CDK5RAP2: variants seen among roughly 807,000 people sequenced by gnomAD.
The protein encoded by CDK5RAP2 is CDK5 regulatory subunit associated protein 2.
A neutral mutation model predicts 232.9 loss-of-function variants in CDK5RAP2; 147 were observed. The observed-to-expected ratio is 0.63, with a 90% CI of 0.55 to 0.72. The LOEUF is 0.72. CDK5RAP2 is among the 30% of genes least tolerant of loss of function. The pLI is 0.00. For missense variants in CDK5RAP2, 2,195 were observed against 2,231.5 expected (o/e 0.98, Z 0.33); for synonymous variants, 833 against 833.7 (o/e 1.00, Z 0.01).
chr9:120,435,985 A>C (rs2035554993), intron 25 of CDK5RAP2, among the ~76,000 whole-genome samples: 1 of 152,246 alleles, frequency 6.6e-6, no homozygotes, highest in African/African-American at 2.4e-5. Flanking sequence ...ATATGGTAAA[A>C]CTCATGGTAG....
At chr9:120,402,045 A>G (rs1418531976) in intron 34 of CDK5RAP2, among the ~76,000 whole-genome samples, 1 of 152,026 alleles carries the variant, frequency 6.6e-6, no homozygotes. Context: ...TAATCCCAAC[A>G]CTTTAGGAGG....
At chr9:120,435,028 T>C (rs982925693) in intron 25 of CDK5RAP2, among the ~76,000 whole-genome samples, 14 of 152,208 alleles carry the variant, frequency 9.2e-5, no homozygotes, top group African/African-American at 3.4e-4. Context: ...ATTCAAAAAA[T>C]TAAATCAATA....
intron 25 of CDK5RAP2, among the ~76,000 whole-genome samples, chr9:120,432,096 T>C (rs1468427476): frequency 1.3e-5 from 2 of 152,202 alleles, no homozygotes; most frequent in Admixed American, 1.3e-4. Flanking sequence ...ATAGCAAGGA[T>C]ATGCACAAAG....
intron 22 of CDK5RAP2, among the ~76,000 whole-genome samples, chr9:120,446,312 C>T (rs996494949): frequency 6.6e-6 from 1 of 152,108 alleles, no homozygotes; most frequent in African/African-American, 2.4e-5. Flanking sequence ...CTGCAACCTC[C>T]ACCTCGTGGG....
chr9:120,545,685 G>C, intron 5 of CDK5RAP2, 29 bp downstream of exon 5: 1 of 1,576,958 alleles, frequency 6.3e-7, no homozygotes. Context: ...TGGGCGACTT[G>C]CAAGCTTTCA....
chr9:120,531,477 T>C (rs999094298), intron 7 of CDK5RAP2, among the ~76,000 whole-genome samples: 7 of 152,114 alleles, frequency 4.6e-5, no homozygotes, highest in Admixed American at 4.6e-4. Flanking sequence ...AGTAATTCCA[T>C]CTCTCTGAGC....
intron 14 of CDK5RAP2, among the ~76,000 whole-genome samples, chr9:120,484,416 G>GT (rs2038484192): frequency 6.6e-6 from 1 of 152,022 alleles, no homozygotes; most frequent in Non-Finnish European, 1.5e-5. Context: ...CTGTTGTTTT[G>GT]TTTTTTTAAA....
intron 7 of CDK5RAP2, among the ~76,000 whole-genome samples, chr9:120,535,822 G>C (rs960892811): frequency 6.6e-6 from 1 of 152,158 alleles, no homozygotes; most frequent in Non-Finnish European, 1.5e-5. Context: ...GGTCTACACT[G>C]TTTTATTTTT....
chr9:120,498,814 A>C (rs1210368283), intron 12 of CDK5RAP2, among the ~76,000 whole-genome samples: 1 of 152,046 alleles, frequency 6.6e-6, no homozygotes, highest in Admixed American at 6.6e-5. Context: ...TGAGCCCAGG[A>C]ATTTGACACC....
chr9:120,497,421 T>TAAAAAAAAAAAAAAAAA (rs71385064), intron 12 of CDK5RAP2, among the ~76,000 whole-genome samples: 10 of 23,294 alleles, frequency 4.3e-4, no homozygotes, highest in Admixed American at 8.7e-4. Flanking sequence ...AAAATAAATT[T>TAAAAAAAAAAAAAAAAA]AAAAAAAAAA....
intron 30 of CDK5RAP2, 91 bp downstream of exon 30, chr9:120,409,036 G>A: frequency 8.1e-7 from 1 of 1,239,592 alleles, no homozygotes; most frequent in Non-Finnish European, 1.2e-6. Flanking sequence ...TGTGCACTAA[G>A]GCAGAGGCCT....
chr9:120,400,954 T>C (rs1588233412), intron 34 of CDK5RAP2, 69 bp from the exon 35 acceptor site: 24 of 1,570,476 alleles, frequency 1.5e-5, no homozygotes, highest in Non-Finnish European at 2.1e-5. Flanking sequence ...AGCCTTAACA[T>C]GCAGTATAAA....
chr9:120,453,457 C>A lies in CDK5RAP2; in HGVS notation c.2792G>T (p.Arg931Ile). 1 of 1,606,792 alleles carries A rather than the reference C, an allele frequency of 6.2e-7. No individual in the cohort carries two copies. Among genetic ancestry groups the A allele is most frequent in the South Asian group, 1.1e-5 (1 of 91,022 alleles). The change falls in exon 21 of 38, where the codon AGA becomes ATA. Residue 931 changes from arginine to isoleucine, a missense_variant and splice_region_variant. Physicochemically the swap from Arg to Ile is moderately conservative, Grantham distance 97. Transcript: ENST00000349780. Reference sequence around the variant, plus strand: ...TAATTATTACATGGAAAAACTTACTCTGTTGGTAATACCAGGGAGGGAAAG... The same window carrying A: ...TAATTATTACATGGAAAAACTTACTATGTTGGTAATACCAGGGAGGGAAAG... ...ALLSLPGITN[R>I]EAKKSRLPIL...
In CDK5RAP2 at chr9:120,477,413, T is replaced by C. The variant is rs2038074318; in HGVS notation, c.1664A>G (p.Gln555Arg). 2.5e-6 allele frequency: 4 copies of C among 1,613,682 alleles called. No individual in the cohort carries two copies. Among genetic ancestry groups the C allele is most frequent in the Admixed American group, 3.3e-5 (2 of 60,010 alleles). The change falls in exon 15 of 38, where the codon CAG becomes CGG. Residue 555 changes from glutamine to arginine, a missense_variant. By Grantham distance (43) the Gln-to-Arg change is conservative. Coordinates refer to ENST00000349780, the MANE Select transcript of CDK5RAP2 (RefSeq NM_018249.6). ...KQSSDYEELI[Q>R]VLKKEQDIYT... Reference sequence around the variant, plus strand: ...GATGTCCTGCTCTTTCTTTAAGACCTGAATCAGCTCTTCATAGTCTGATGA... The same window carrying C: ...GATGTCCTGCTCTTTCTTTAAGACCCGAATCAGCTCTTCATAGTCTGATGA...
chr9:120,400,973 C>T (rs2131259826), intron 34 of CDK5RAP2, 88 bp from the exon 35 acceptor site: 2 of 1,454,064 alleles, frequency 1.4e-6, no homozygotes, highest in East Asian at 4.7e-5. Flanking sequence ...AATCTCCAGA[C>T]TGTAGGGCTT....
chr9:120,518,307 G>C, intron 12 of CDK5RAP2, 120 bp downstream of exon 12: 1 of 788,056 alleles, frequency 1.3e-6, no homozygotes, highest in South Asian at 1.5e-5. Flanking sequence ...TCTAGGTACT[G>C]AGATAATAAG....
intron 11 of CDK5RAP2, among the ~76,000 whole-genome samples, chr9:120,524,141 A>G (rs1270035691): frequency 2.6e-5 from 4 of 152,242 alleles, no homozygotes; most frequent in Non-Finnish European, 5.9e-5. Flanking sequence ...GTTTAAAAAA[A>G]AGGATATTAA....
intron 32 of CDK5RAP2, among the ~76,000 whole-genome samples, chr9:120,405,792 CG>C (rs1296788161): frequency 2.0e-5 from 3 of 152,118 alleles, no homozygotes; most frequent in Non-Finnish European, 2.9e-5. Flanking sequence ...AATAAATCAA[CG>C]GGGTCATGGA....
intron 22 of CDK5RAP2, among the ~76,000 whole-genome samples, chr9:120,447,453 G>T (rs2036253451): frequency 6.6e-6 from 1 of 152,220 alleles, no homozygotes; most frequent in Admixed American, 6.5e-5. Flanking sequence ...GGGTGGGGAA[G>T]TGGGTTACTT....
Sources: allele counts gnomAD v4.1 joint callset (sites outside exome capture counted in the v4.1 genomes callset), GRCh38; gene constraint gnomAD v4.1.1; transcripts MANE v1.5; gene names NCBI Gene and HGNC (gene_info 2026-07-23, HGNC 2026-07-21).